PDE7B: variants seen among roughly 807,000 people sequenced by gnomAD.
PDE7B encodes the protein 3',5'-cyclic-AMP phosphodiesterase 7B.
A neutral mutation model predicts 56.2 loss-of-function variants in PDE7B; 29 were observed. The observed-to-expected ratio is 0.52, with a 90% confidence interval of 0.38 to 0.70. The LOEUF (loss-of-function observed/expected upper bound fraction) is 0.70. PDE7B is among the 30% of genes least tolerant of loss of function. The pLI is 0.00. For missense variants in PDE7B, 490 were observed against 565.0 expected (o/e 0.87, Z 1.35); for synonymous variants, 197 against 196.9 (o/e 1.00, Z 0.00).
intron 3 of PDE7B, among the ~76,000 whole-genome samples, chr6:136,120,548 GGAA>G (rs1282482812): frequency 6.6e-6 from 1 of 152,150 alleles, no homozygotes; most frequent in Non-Finnish European, 1.5e-5. Context: ...ACAGCAGGTG[GGAA>G]GAAGGAAAGA....
chr6:136,110,014 C>A (rs1391101337), intron 3 of PDE7B, among the ~76,000 whole-genome samples: 1 of 152,128 alleles, frequency 6.6e-6, no homozygotes, highest in Non-Finnish European at 1.5e-5. Context: ...GAAATTAGAA[C>A]CTGTTATTTC....
intron 1 of PDE7B, among the ~76,000 whole-genome samples, chr6:135,914,310 G>A: frequency 6.6e-6 from 1 of 151,632 alleles, no homozygotes; most frequent in Non-Finnish European, 1.5e-5. Context: ...GCAGAATCTA[G>A]AACATTTCTA....
chr6:136,075,075 T>G (rs1344042541), intron 2 of PDE7B, among the ~76,000 whole-genome samples: 5 of 152,234 alleles, frequency 3.3e-5, no homozygotes, highest in Non-Finnish European at 7.3e-5. Context: ...ACAAAATTAA[T>G]CAAGATTTTT....
At chr6:135,864,214 G>A (rs1359982722) in intron 1 of PDE7B, among the ~76,000 whole-genome samples, 6 of 151,926 alleles carry the variant, frequency 3.9e-5, no homozygotes, top group Admixed American at 1.3e-4. Context: ...TGAGAACTTC[G>A]GAATGCCTTA....
At chr6:136,132,020 T>A (rs1778127017) in intron 3 of PDE7B, among the ~76,000 whole-genome samples, 1 of 152,200 alleles carries the variant, frequency 6.6e-6, no homozygotes, top group African/African-American at 2.4e-5. Flanking sequence ...TGGTTTTGTT[T>A]TACTATACTT....
chr6:136,030,322 C>G (rs1028563984), intron 2 of PDE7B, among the ~76,000 whole-genome samples: 1 of 152,246 alleles, frequency 6.6e-6, no homozygotes, highest in African/African-American at 2.4e-5. Context: ...GCTGATTTCA[C>G]ATGTCTCTTG....
chr6:135,868,156 C>T (rs1157975250), intron 1 of PDE7B, among the ~76,000 whole-genome samples: 1 of 149,974 alleles, frequency 6.7e-6, no homozygotes, highest in Non-Finnish European at 1.5e-5. Context: ...AGAGGTCTCA[C>T]AACATAGCTT....
intron 9 of PDE7B, among the ~76,000 whole-genome samples, chr6:136,176,598 C>A (rs1179088777): frequency 6.6e-6 from 1 of 152,044 alleles, no homozygotes; most frequent in Admixed American, 6.6e-5. Context: ...AATACGCATC[C>A]TTGTAACATA....
At chr6:135,978,373 G>A (rs1775228822) in intron 2 of PDE7B, among the ~76,000 whole-genome samples, 1 of 152,108 alleles carries the variant, frequency 6.6e-6, no homozygotes, top group South Asian at 2.1e-4. Flanking sequence ...GGATGAGTGA[G>A]TGAGTGAGTG....
chr6:136,068,423 C>CT (rs33992191), intron 2 of PDE7B, among the ~76,000 whole-genome samples: 1,258 of 79,476 alleles, frequency 0.016, 6 homozygotes, highest in South Asian at 0.019. Context: ...ACCAAGATTC[C>CT]TTTTTTTTTT....
intron 2 of PDE7B, among the ~76,000 whole-genome samples, chr6:136,003,866 TC>T (rs1373432242): frequency 3.3e-5 from 5 of 152,166 alleles, no homozygotes; most frequent in Non-Finnish European, 7.3e-5. Context: ...GCCAGCATCA[TC>T]CTGATACCAA....
chr6:135,894,145 G>A (rs910182284), intron 1 of PDE7B, among the ~76,000 whole-genome samples: 3 of 152,062 alleles, frequency 2.0e-5, no homozygotes, highest in Non-Finnish European at 2.9e-5. Flanking sequence ...ATGTTTCTAG[G>A]TTAAAATGTT....
chr6:136,070,338 A>C (rs969728523), intron 2 of PDE7B: 14 of 152,276 alleles, frequency 9.2e-5, no homozygotes, highest in Admixed American at 9.2e-4. Context: ...GAATCTGTCA[A>C]TGATATTAAG....
At chr6:135,876,997 A>G (rs1031735171) in intron 1 of PDE7B, among the ~76,000 whole-genome samples, 2 of 152,092 alleles carry the variant, frequency 1.3e-5, no homozygotes, top group African/African-American at 4.8e-5. Flanking sequence ...ACTGGGTCTA[A>G]AATACTTTTG....
Position 136,134,269 on chromosome 6 carries a change from A to G in PDE7B, c.167-13082A>G, listed in dbSNP as rs114671508. ...CACACATCTGGAACTTTTGCAGTCA[A>G]ATTTGACAGTCCAAACATATCTCCC... On this transcript the variant is annotated intron_variant, in intron 3 of 12. Coordinates refer to ENST00000308191, the MANE Select transcript of PDE7B (RefSeq NM_018945.4). Among the ~76,000 whole-genome samples, 793 of 152,240 alleles carry G rather than the reference A, an allele frequency of 5.2e-3. 3 individuals are homozygous for G. The highest frequency in any genetic ancestry group is 0.018 in the African/African-American group (738 of 41,538).
intron 2 of PDE7B, among the ~76,000 whole-genome samples, chr6:136,108,154 T>C (rs1277793379): frequency 1.4e-5 from 2 of 142,476 alleles, no homozygotes; most frequent in Non-Finnish European, 3.0e-5. Flanking sequence ...GAAAGAAATA[T>C]ATATATACAT....
chr6:136,013,276 ATCTTTAAAGTT>A (rs1775923550), intron 2 of PDE7B, among the ~76,000 whole-genome samples: 1 of 152,202 alleles, frequency 6.6e-6, no homozygotes, highest in Non-Finnish European at 1.5e-5. Flanking sequence ...CTCATAATAA[ATCTTTAAAGTT>A]TCTCCTTCTT....
intron 11 of PDE7B, among the ~76,000 whole-genome samples, chr6:136,182,704 G>A (rs905130949): frequency 6.6e-6 from 1 of 152,186 alleles, no homozygotes; most frequent in Non-Finnish European, 1.5e-5. Flanking sequence ...AGATAGTAAG[G>A]CCCATAGTGC....
At chr6:135,916,392 C>CTTTTTTTTTTTTTTTTTTTTTTTTTTCTT (rs566408380) in intron 1 of PDE7B, among the ~76,000 whole-genome samples, 1 of 96,346 alleles carries the variant, frequency 1.0e-5, no homozygotes, top group African/African-American at 4.1e-5. Flanking sequence ...TCTTTTCTTT[C>CTTTTTTTTTTTTTTTTTTTTTTTTTTCTT]TTTTTTTTTT....
Sources: allele counts gnomAD v4.1 joint callset (sites outside exome capture counted in the v4.1 genomes callset), GRCh38; gene constraint gnomAD v4.1.1; transcripts MANE v1.5; gene names NCBI Gene and HGNC (gene_info 2026-07-23, HGNC 2026-07-21).